The following ULK4 variants were observed in gnomAD, a reference collection of about 807,000 sequenced individuals.
ULK4 encodes inactive serine/threonine-protein kinase ULK4.
A neutral mutation model predicts 160.6 loss-of-function variants in ULK4; 133 were observed. The ratio of observed to expected loss-of-function variants is 0.83; its 90% CI spans 0.72 to 0.96. ULK4 has a LOEUF of 0.96. Among genes scored for constraint, ULK4 ranks in the 40% least tolerant of loss-of-function variants. ULK4 has a pLI of 0.00. For synonymous variants in ULK4, 534 were observed against 539.8 expected, an observed-to-expected ratio of 0.99 and a Z score of 0.15; for missense variants, 1,580 against 1,499.5, an observed-to-expected ratio of 1.05 and a Z score of -0.89.
At chr3:41,255,129 TACACAC>T (rs369404667) in intron 35 of ULK4, among the ~76,000 whole-genome samples, 37 of 144,256 alleles carry the variant, frequency 2.6e-4, no homozygotes, top group South Asian at 8.8e-4. Context: ...AAATTATGGC[TACACAC>T]ACACACACAC....
At chr3:41,400,105 A>T (rs754572101) in intron 34 of ULK4, among the ~76,000 whole-genome samples, 7 of 152,198 alleles carry the variant, frequency 4.6e-5, no homozygotes, top group African/African-American at 1.2e-4. Flanking sequence ...GAGAGATTCC[A>T]TATATACTTC....
At chr3:41,859,572 C>A in intron 17 of ULK4, 1 of 535,030 alleles carries the variant, frequency 1.9e-6, no homozygotes, top group Non-Finnish European at 3.8e-6. Context: ...CAGCGAAAGG[C>A]ACCATGAGGC....
chr3:41,657,919 G>C (rs1048910212), intron 30 of ULK4, among the ~76,000 whole-genome samples: 8 of 151,080 alleles, frequency 5.3e-5, no homozygotes, highest in Admixed American at 2.0e-4. Context: ...AATCAGGGGT[G>C]ACATTCCCCA....
intron 32 of ULK4, among the ~76,000 whole-genome samples, chr3:41,539,050 TTAG>T (rs1226648433): frequency 6.6e-6 from 1 of 150,906 alleles, no homozygotes; most frequent in Non-Finnish European, 1.5e-5. Context: ...TTTTTTTTTT[TTAG>T]TATTTCTAGG....
At chr3:41,248,067 C>A (rs564513469) in intron 36 of ULK4, among the ~76,000 whole-genome samples, 2 of 152,268 alleles carry the variant, frequency 1.3e-5, no homozygotes, top group South Asian at 2.1e-4. Context: ...CACATTTGGT[C>A]CAAATTTGGG....
At chr3:41,489,885 C>A (rs1228548393) in intron 32 of ULK4, among the ~76,000 whole-genome samples, 6 of 152,156 alleles carry the variant, frequency 3.9e-5, no homozygotes, top group African/African-American at 1.4e-4. Context: ...TAGGATTAGT[C>A]TCACATAGGA....
At chr3:41,741,173 A>G (rs1287126358) in intron 22 of ULK4, among the ~76,000 whole-genome samples, 2 of 151,904 alleles carry the variant, frequency 1.3e-5, no homozygotes, top group African/African-American at 4.9e-5. Context: ...TATAGGAGTG[A>G]AACATGCTTA....
intron 21 of ULK4, among the ~76,000 whole-genome samples, 187 bp from the exon 22 acceptor site, chr3:41,754,675 AAGTT>A (rs1412132202): frequency 7.9e-5 from 12 of 152,280 alleles, no homozygotes; most frequent in South Asian, 6.2e-4. Flanking sequence ...TTAAATCTGA[AAGTT>A]AGTCATAAAA....
chr3:41,756,125 A>G (rs1439384658), intron 21 of ULK4, among the ~76,000 whole-genome samples: 2 of 152,198 alleles, frequency 1.3e-5, no homozygotes, highest in Non-Finnish European at 2.9e-5. Context: ...TGACTACTCT[A>G]AACATGAGTA....
intron 17 of ULK4, among the ~76,000 whole-genome samples, chr3:41,852,731 T>C (rs1234575175): frequency 1.3e-5 from 2 of 152,158 alleles, no homozygotes; most frequent in African/African-American, 4.8e-5. Context: ...TGCTAAACTC[T>C]TGGTGACCTC....
At chr3:41,399,853 T>C (rs1053639485) in intron 34 of ULK4, among the ~76,000 whole-genome samples, 19 of 152,164 alleles carry the variant, frequency 1.2e-4, no homozygotes, top group Admixed American at 2.6e-4. Flanking sequence ...TCCTCCTGCC[T>C]TGTCTTCCTC....
Position 41,560,109 on chromosome 3 carries a change from T to G in ULK4, c.3226+5916A>C, listed in dbSNP as rs368346518. Among the ~76,000 whole-genome samples, 67 of 152,336 alleles carry G rather than the reference T, an allele frequency of 4.4e-4. No homozygotes were observed. The East Asian group carries it at 8.1e-3, about 18-fold the overall frequency. ...TGGCTAGCCAGTTTTCCCAGCACCATTTATTAAATAGGAAATCCTTTCCCC... is the reference window on the plus strand; with the variant it reads ...TGGCTAGCCAGTTTTCCCAGCACCAGTTATTAAATAGGAAATCCTTTCCCC... On this transcript the variant is annotated intron_variant, in intron 32 of 36. Coordinates refer to ENST00000301831, the MANE Select transcript of ULK4 (RefSeq NM_017886.4).
intron 35 of ULK4, among the ~76,000 whole-genome samples, chr3:41,395,461 T>C (rs538645171): frequency 6.6e-6 from 1 of 152,258 alleles, no homozygotes; most frequent in East Asian, 1.9e-4. Flanking sequence ...GAGGAAATTC[T>C]AGCACGTGCT....
intron 35 of ULK4, among the ~76,000 whole-genome samples, chr3:41,389,191 A>C: frequency 6.6e-6 from 1 of 152,098 alleles, no homozygotes; most frequent in Non-Finnish European, 1.5e-5. Context: ...TTGGTGTATA[A>C]GAATGCTTGT....
At chr3:41,406,060 G>A (rs1438042818) in intron 34 of ULK4, among the ~76,000 whole-genome samples, 1 of 152,068 alleles carries the variant, frequency 6.6e-6, no homozygotes, top group Admixed American at 6.6e-5. Flanking sequence ...TGTCCAGAGG[G>A]GTGTTTCCTA....
chr3:41,355,740 A>G (rs2081017806), intron 35 of ULK4, among the ~76,000 whole-genome samples: 1 of 152,224 alleles, frequency 6.6e-6, no homozygotes, highest in African/African-American at 2.4e-5. Flanking sequence ...ATAGTGCATC[A>G]CCACAGATTA....
chr3:41,864,064 T>G (rs1485203664), intron 17 of ULK4, among the ~76,000 whole-genome samples: 1 of 152,070 alleles, frequency 6.6e-6, no homozygotes, highest in Non-Finnish European at 1.5e-5. Context: ...AAGGCAGTCT[T>G]GTACACAAAG....
chr3:41,455,410 A>G (rs2083522523), intron 34 of ULK4, 87 bp downstream of exon 34: 1 of 1,249,694 alleles, frequency 8.0e-7, no homozygotes, highest in African/African-American at 1.5e-5. Context: ...GAATAAAAAT[A>G]ACATAGAAAC....
chr3:41,656,108 G>C (rs1324689590), intron 30 of ULK4, among the ~76,000 whole-genome samples: 2 of 151,882 alleles, frequency 1.3e-5, no homozygotes, highest in Non-Finnish European at 2.9e-5. Context: ...GCTGTGGTTT[G>C]AATCAATATC....
Sources: gnomAD v4.1 joint callset for allele counts (sites outside exome capture counted in the v4.1 genomes callset) on GRCh38, gnomAD v4.1.1 for gene constraint, MANE v1.5 for transcripts, NCBI Gene and HGNC (gene_info 2026-07-23, HGNC 2026-07-21) for gene names.